The following SLC26A7 variants were observed in gnomAD, a reference collection of about 807,000 sequenced individuals.
SLC26A7 encodes solute carrier family 26 member 7.
SLC26A7 carries 59 observed loss-of-function variants against 82.5 expected under a neutral mutation model. The observed-to-expected ratio is 0.72, with a 90% CI of 0.58 to 0.89. The LOEUF is 0.89. Among genes scored for constraint, SLC26A7 ranks in the 40% least tolerant of loss-of-function variants. The pLI is 0.00. For synonymous variants in SLC26A7, 271 were observed against 274.3 expected, an observed-to-expected ratio of 0.99 and a Z score of 0.12; for missense variants, 820 against 793.0, an observed-to-expected ratio of 1.03 and a Z score of -0.41.
At chr8:91,246,331 G>T (rs1313398105), upstream of SLC26A7, among the ~76,000 whole-genome samples, 4 of 152,146 alleles carry the variant, frequency 2.6e-5, no homozygotes, top group Non-Finnish European at 2.9e-5. Flanking sequence ...AATCTCATGA[G>T]TCAGACTGGA....
At chr8:91,353,539 G>T (rs941563577) in intron 11 of SLC26A7, among the ~76,000 whole-genome samples, 10 of 152,120 alleles carry the variant, frequency 6.6e-5, no homozygotes, top group African/African-American at 1.9e-4. Flanking sequence ...TGATTTCTAC[G>T]AACATAAATA....
chr8:91,285,251 T>TGCCTTCATCGTCATGTGGCGTTCACAC (rs1811678845), intron 2 of SLC26A7, among the ~76,000 whole-genome samples: 1 of 152,236 alleles, frequency 6.6e-6, no homozygotes, highest in Non-Finnish European at 1.5e-5. Context: ...GGTGTTCACA[T>TGCCTTCATCGTCATGTGGCGTTCACAC]GCCTTCATCG....
intron 8 of SLC26A7, among the ~76,000 whole-genome samples, chr8:91,342,271 T>C (rs928801502): frequency 6.6e-6 from 1 of 152,172 alleles, no homozygotes; most frequent in African/African-American, 2.4e-5. Flanking sequence ...AGGCCTTCTT[T>C]GGTAATCTAA....
At chr8:91,318,871 A>AT (rs2130809283) in intron 5 of SLC26A7, among the ~76,000 whole-genome samples, 1 of 152,314 alleles carries the variant, frequency 6.6e-6, no homozygotes, top group East Asian at 1.9e-4. Context: ...CATTTGCAAC[A>AT]TATTTTTCTA....
At chr8:91,364,220 C>G (rs1010341776) in intron 13 of SLC26A7, among the ~76,000 whole-genome samples, 11 of 151,986 alleles carry the variant, frequency 7.2e-5, no homozygotes, top group Admixed American at 5.9e-4. Flanking sequence ...AAGAAAATTG[C>G]CCTCATTTTG....
intron 13 of SLC26A7, among the ~76,000 whole-genome samples, chr8:91,365,584 G>A (rs1241752910): frequency 6.6e-6 from 1 of 152,102 alleles, no homozygotes; most frequent in African/African-American, 2.4e-5. Flanking sequence ...GTTTTCTTGA[G>A]TTATTTGTTG....
At chr8:91,374,353 T>C (rs1164383836) in intron 15 of SLC26A7, among the ~76,000 whole-genome samples, 1 of 151,492 alleles carries the variant, frequency 6.6e-6, no homozygotes, top group Non-Finnish European at 1.5e-5. Flanking sequence ...CTGATGTAGA[T>C]ACTTAATGCT....
intron 2 of SLC26A7, 120 bp downstream of exon 2, chr8:91,249,964 G>T: frequency 1.4e-6 from 1 of 713,734 alleles, no homozygotes. Context: ...TAGCTGTGGG[G>T]AAACAAGCAT....
At chr8:91,252,636 C>A (rs1810691016) in intron 2 of SLC26A7, among the ~76,000 whole-genome samples, 2 of 152,028 alleles carry the variant, frequency 1.3e-5, no homozygotes, top group Admixed American at 1.3e-4. Flanking sequence ...CTAATCACCC[C>A]CTTCATGCTA....
intron 2 of SLC26A7, among the ~76,000 whole-genome samples, chr8:91,275,338 G>A (rs1811379192): frequency 6.6e-6 from 1 of 152,076 alleles, no homozygotes; most frequent in Admixed American, 6.5e-5. Context: ...TTGCTTTGTT[G>A]CCCAGGCTGG....
intron 4 of SLC26A7, among the ~76,000 whole-genome samples, chr8:91,304,875 C>T (rs1464293309): frequency 6.6e-6 from 1 of 152,150 alleles, no homozygotes. Context: ...CTAGGCATGC[C>T]AGGCCCCTTC....
At chr8:91,352,573 T>A (rs901374711) in intron 10 of SLC26A7, among the ~76,000 whole-genome samples, 10 of 152,228 alleles carry the variant, frequency 6.6e-5, no homozygotes, top group African/African-American at 1.9e-4. Flanking sequence ...CAACAAATAC[T>A]TTTCAAACAA....
intron 2 of SLC26A7, among the ~76,000 whole-genome samples, chr8:91,256,635 C>T (rs772540260): frequency 8.5e-5 from 13 of 152,082 alleles, no homozygotes; most frequent in Non-Finnish European, 1.6e-4. Flanking sequence ...AGAGAGAAAC[C>T]GAGTCCTGAT....
intron 2 of SLC26A7, among the ~76,000 whole-genome samples, chr8:91,242,876 A>G (rs1297328784): frequency 6.6e-6 from 1 of 152,234 alleles, no homozygotes; most frequent in African/African-American, 2.4e-5. Context: ...AAGCATAACT[A>G]TCAGTATTGA....
chr8:91,351,052 G>A (rs1813701583), intron 9 of SLC26A7, among the ~76,000 whole-genome samples: 1 of 151,984 alleles, frequency 6.6e-6, no homozygotes, highest in South Asian at 2.1e-4. Flanking sequence ...TGATGTTCTA[G>A]GCATCTCCAT....
chr8:91,397,755 A>T lies in SLC26A7; in HGVS notation c.*2658A>T, dbSNP rs915235287. ...ATTCTATAAATGTGTAATGTGATGA[A>T]GAAAGAGATCTTTCTTTTTTAATGA... On this transcript the variant is annotated 3_prime_UTR_variant, in exon 19 of 19. Transcript: ENST00000276609. 6 of 152,596 alleles carry T rather than the reference A, an allele frequency of 3.9e-5. No individual in the cohort carries two copies. The highest frequency in any genetic ancestry group is 7.4e-5 in the Non-Finnish European group (5 of 67,984). 9.5% of individuals were successfully genotyped at this position (152,596 alleles called of 1,614,324 possible).
chr8:91,349,941 T>C (rs1586439903), intron 9 of SLC26A7, among the ~76,000 whole-genome samples: 2 of 152,212 alleles, frequency 1.3e-5, no homozygotes, highest in Admixed American at 6.6e-5. Context: ...TATAGTAGAA[T>C]GTCAGGCATC....
At chr8:91,232,047 A>C (rs1372163054) in intron 2 of SLC26A7, among the ~76,000 whole-genome samples, 3 of 152,190 alleles carry the variant, frequency 2.0e-5, no homozygotes, top group African/African-American at 7.2e-5. Flanking sequence ...TAAGATTTTC[A>C]AGCTCACAAG....
intron 9 of SLC26A7, among the ~76,000 whole-genome samples, chr8:91,343,717 G>A (rs1480468076): frequency 6.6e-6 from 1 of 152,166 alleles, no homozygotes; most frequent in African/African-American, 2.4e-5. Context: ...AGCAACCTTA[G>A]AGGCCAAAGC....
Sources: gnomAD v4.1 joint callset for allele counts (sites outside exome capture counted in the v4.1 genomes callset) on GRCh38, gnomAD v4.1.1 for gene constraint, MANE v1.5 for transcripts, NCBI Gene and HGNC (gene_info 2026-07-23, HGNC 2026-07-21) for gene names.